Variants in ZFPM2 observed in about 807,000 individuals in gnomAD.
ZFPM2 encodes zinc finger protein, FOG family member 2.
ZFPM2 carries 20 observed loss-of-function variants against 98.6 expected under a neutral mutation model. The ratio of observed to expected loss-of-function variants is 0.20; its 90% CI spans 0.14 to 0.29. ZFPM2 has a LOEUF of 0.29. Ranked by LOEUF, ZFPM2 falls within the 10% of genes least tolerant of loss-of-function variation. ZFPM2 has a pLI of 1.00. For synonymous variants in ZFPM2, 518 were observed against 502.7 expected, an observed-to-expected ratio of 1.03 and a Z score of -0.41; for missense variants, 1,310 against 1,388.6, an observed-to-expected ratio of 0.94 and a Z score of 0.90.
intron 1 of ZFPM2, chr8:105,415,101 T>G (rs550790888): frequency 6.6e-6 from 1 of 152,186 alleles, no homozygotes; most frequent in Admixed American, 6.6e-5. Context: ...AGTACACAAT[T>G]GCCTCTCTTC....
chr8:105,785,321 C>CACA (rs1287705962), intron 5 of ZFPM2: 1 of 147,170 alleles, frequency 6.8e-6, no homozygotes, highest in East Asian at 1.9e-4. Flanking sequence ...ACAACAGACA[C>CACA]ACAACACACA....
intron 5 of ZFPM2, among the ~76,000 whole-genome samples, chr8:105,641,507 G>T (rs747611322): frequency 4.6e-5 from 7 of 151,980 alleles, no homozygotes. Context: ...TTTCTAAGGG[G>T]TTCTTAAGGT....
intron 5 of ZFPM2, among the ~76,000 whole-genome samples, chr8:105,744,918 C>G (rs1460335634): frequency 6.6e-6 from 1 of 152,144 alleles, no homozygotes; most frequent in Non-Finnish European, 1.5e-5. Context: ...TTGTTTGCTT[C>G]TCTTCTGTGG....
intron 1 of ZFPM2, among the ~76,000 whole-genome samples, chr8:105,325,575 T>C (rs555249987): frequency 6.6e-6 from 1 of 151,958 alleles, no homozygotes; most frequent in South Asian, 2.1e-4. Flanking sequence ...GGCAACTTCA[T>C]CTCTTGGGTC....
chr8:105,542,900 T>G (rs1814610652), intron 3 of ZFPM2, among the ~76,000 whole-genome samples: 2 of 152,152 alleles, frequency 1.3e-5, no homozygotes, highest in Non-Finnish European at 2.9e-5. Flanking sequence ...TTGCTTATAC[T>G]TGTTTGTCTA....
intron 5 of ZFPM2, among the ~76,000 whole-genome samples, chr8:105,677,388 TG>T (rs780616628): frequency 6.6e-6 from 1 of 152,020 alleles, no homozygotes; most frequent in Non-Finnish European, 1.5e-5. Flanking sequence ...ACAAGGCAAA[TG>T]AGGTTTTAAA....
rs1458301276 is a variant in ZFPM2 at position 105,802,364 on chromosome 8, T to C, written c.2282T>C (p.Leu761Pro). The change falls in exon 8 of 8, where the codon CTT becomes CCT. Residue 761 changes from leucine (L) to proline (P), a missense_variant. By Grantham distance (98) the Leu-to-Pro change is moderately conservative. Coordinates refer to ENST00000407775, the MANE Select transcript of ZFPM2 (RefSeq NM_012082.4). ...CCTCCACTGGTTCAGCAGAGATTTC[T>C]TGACGTAGCCAACCTCAATAATCCT... ...QRPPLVQQRF[L>P]DVANLNNPCT... is the part of the protein sequence containing the mutation. 1.2e-6 allele frequency: 2 copies of C among 1,613,812 alleles called. No homozygotes were observed. Among genetic ancestry groups the C allele is most frequent in the South Asian group, 1.1e-5 (1 of 91,072 alleles).
At chr8:105,685,626 C>T (rs1405375095) in intron 5 of ZFPM2, 1 of 151,920 alleles carries the variant, frequency 6.6e-6, no homozygotes, top group East Asian at 1.9e-4. Context: ...TTTAGTCAGT[C>T]TTTCGGCAGC....
At chr8:105,693,510 ATATACT>A in intron 5 of ZFPM2, among the ~76,000 whole-genome samples, 1 of 152,234 alleles carries the variant, frequency 6.6e-6, no homozygotes, top group Admixed American at 6.5e-5. Context: ...ATTTAGGAAA[ATATACT>A]TAGGAAAGCA....
chr8:105,334,212 T>A (rs1812286014), intron 1 of ZFPM2, among the ~76,000 whole-genome samples: 1 of 150,874 alleles, frequency 6.6e-6, no homozygotes, highest in Admixed American at 6.7e-5. Context: ...CCATTATAAT[T>A]ATGTTTTCAA....
rs529240829 is a variant in ZFPM2, at chr8:105,726,083, A to C, written c.533-62635A>C. Among the ~76,000 whole-genome samples, 33 of 151,858 alleles carry C rather than the reference A, an allele frequency of 2.2e-4. No individual in the cohort carries two copies. In the East Asian group the frequency reaches 6.5e-3, roughly 30 times the overall value. ...TTCATTTCCTGCTTCTCTGACCATC[A>C]GTTGCTTTATTCAGTATGATTTCAG... On this transcript the variant is annotated intron_variant, in intron 5 of 7. Transcript: ENST00000407775.
At chr8:105,408,736 C>T (rs1467599905) in intron 1 of ZFPM2, among the ~76,000 whole-genome samples, 1 of 151,440 alleles carries the variant, frequency 6.6e-6, no homozygotes, top group African/African-American at 2.4e-5. Flanking sequence ...ACAGGCTTAG[C>T]GAGAATATTC....
In ZFPM2 at chr8:105,422,047, C is replaced by CAAA. The variant is rs747630701; in HGVS notation, c.199+2765_199+2767dup. ...GTGCGACGGGAGCGAGACTCCATCT[C>CAAA]AAAAAAAAAAAAAAAAAAAAAAGGT... On this transcript the variant is annotated intron_variant, in intron 2 of 7. Coordinates refer to ENST00000407775, the MANE Select transcript of ZFPM2 (RefSeq NM_012082.4). 2.2e-3 allele frequency among the ~76,000 whole-genome samples: 110 copies of CAAA among 51,142 alleles called. 3 individuals are homozygous for CAAA. Among genetic ancestry groups the CAAA allele is most frequent in the African/African-American group, 5.6e-3 (89 of 16,022 alleles). 33.6% of individuals were successfully genotyped at this position (51,142 alleles called of 152,430 possible).
At chr8:105,637,752 C>T (rs1454942399) in intron 5 of ZFPM2, among the ~76,000 whole-genome samples, 5 of 152,100 alleles carry the variant, frequency 3.3e-5, no homozygotes, top group African/African-American at 1.2e-4. Flanking sequence ...ACACTGGACT[C>T]AGGAGTCGTC....
intron 3 of ZFPM2, among the ~76,000 whole-genome samples, chr8:105,560,025 T>A (rs1815095004): frequency 6.6e-6 from 1 of 151,916 alleles, no homozygotes; most frequent in Non-Finnish European, 1.5e-5. Context: ...CTGACCAACA[T>A]GAAGAAACCC....
chr8:105,415,804 G>A (rs1486500206), intron 1 of ZFPM2, among the ~76,000 whole-genome samples: 1 of 152,088 alleles, frequency 6.6e-6, no homozygotes, highest in Non-Finnish European at 1.5e-5. Context: ...TGTAGCTAAA[G>A]AAATGGTTAG....
chr8:105,376,809 C>G (rs1455593363), intron 1 of ZFPM2, among the ~76,000 whole-genome samples: 1 of 152,168 alleles, frequency 6.6e-6, no homozygotes, highest in Non-Finnish European at 1.5e-5. Context: ...AATGTGGTCT[C>G]TCTGAAATTC....
chr8:105,709,457 C>A (rs2130972561), intron 5 of ZFPM2, among the ~76,000 whole-genome samples: 1 of 152,136 alleles, frequency 6.6e-6, no homozygotes, highest in East Asian at 1.9e-4. Context: ...ACTAACAGAG[C>A]TAAGATTAAG....
intron 5 of ZFPM2, among the ~76,000 whole-genome samples, chr8:105,714,831 C>T (rs1401971018): frequency 6.6e-6 from 1 of 151,974 alleles, no homozygotes; most frequent in Non-Finnish European, 1.5e-5. Flanking sequence ...AAAAGTGATA[C>T]TAATTATACA....
Sources: allele counts gnomAD v4.1 joint callset (sites outside exome capture counted in the v4.1 genomes callset), GRCh38; gene constraint gnomAD v4.1.1; transcripts MANE v1.5; gene names NCBI Gene and HGNC (gene_info 2026-07-23, HGNC 2026-07-21).